The following PEMT variants were observed in gnomAD, a reference collection of about 807,000 sequenced individuals.
The protein encoded by PEMT is phosphatidylethanolamine N-methyltransferase.
In PEMT, 23 loss-of-function variants were observed where a neutral mutation model predicts 27.4. The ratio of observed to expected loss-of-function variants is 0.84; its 90% CI spans 0.60 to 1.19. PEMT has a LOEUF of 1.19. PEMT is among the 50% of genes most tolerant of loss of function. The pLI is 0.00. For synonymous variants in PEMT, 137 were observed against 139.1 expected, an observed-to-expected ratio of 0.98 and a Z score of 0.11; for missense variants, 307 against 310.1, an observed-to-expected ratio of 0.99 and a Z score of 0.07.
chr17:17,581,324 G>A (rs1455428537), intron 1 of PEMT, among the ~76,000 whole-genome samples: 1 of 152,086 alleles, frequency 6.6e-6, no homozygotes, highest in African/African-American at 2.4e-5. Flanking sequence ...CCTATCTCTG[G>A]CCATACTCTC....
chr17:17,568,241 G>A (rs1303555283), intron 2 of PEMT, among the ~76,000 whole-genome samples: 3 of 151,962 alleles, frequency 2.0e-5, no homozygotes, highest in East Asian at 1.9e-4. Context: ...AAAAGCCCAC[G>A]TGGGCCAAGT....
At chr17:17,575,918 T>G (rs921069797) in intron 2 of PEMT, among the ~76,000 whole-genome samples, 1 of 152,158 alleles carries the variant, frequency 6.6e-6, no homozygotes, top group Admixed American at 6.5e-5. Context: ...ATAAACTAAA[T>G]GAAAAACATG....
intron 2 of PEMT, among the ~76,000 whole-genome samples, chr17:17,543,337 C>T (rs903856358): frequency 1.3e-5 from 2 of 152,224 alleles, no homozygotes; most frequent in African/African-American, 4.8e-5. Context: ...GCAGAAGTCT[C>T]AACAGGCTCA....
At chr17:17,579,634 G>A (rs746215113) in intron 1 of PEMT, among the ~76,000 whole-genome samples, 5 of 152,066 alleles carry the variant, frequency 3.3e-5, no homozygotes, top group African/African-American at 7.2e-5. Flanking sequence ...GCCAAGATGC[G>A]CCACTGCACT....
chr17:17,529,050 G>A (rs1258018206), intron 2 of PEMT, among the ~76,000 whole-genome samples: 3 of 152,248 alleles, frequency 2.0e-5, no homozygotes, highest in African/African-American at 7.2e-5. Flanking sequence ...AGTGGATGGG[G>A]TGTGTTTGTG....
chr17:17,580,634 A>C (rs1448205982), intron 1 of PEMT, among the ~76,000 whole-genome samples: 2 of 152,162 alleles, frequency 1.3e-5, no homozygotes, highest in Non-Finnish European at 2.9e-5. Context: ...ATCTCCCTGC[A>C]TGTGCACAGC....
At chr17:17,583,922 C>G (rs1363711195) in intron 1 of PEMT, among the ~76,000 whole-genome samples, 2 of 152,154 alleles carry the variant, frequency 1.3e-5, no homozygotes, top group Non-Finnish European at 2.9e-5. Context: ...AAATGGCAGG[C>G]AGCTGCTCCA....
At position 17,591,705 on chromosome 17, in the gene PEMT, A is replaced by C; in HGVS notation, c.-79T>G. The C allele has an allele frequency of 6.6e-7, 1 of 1,512,516 alleles. No individual in the cohort carries two copies. Among genetic ancestry groups the C allele is most frequent in the African/African-American group, 1.4e-5 (1 of 71,276 alleles). 93.7% of individuals were successfully genotyped at this position (1,512,516 alleles called of 1,614,324 possible). The stretch of plus-strand genomic sequence containing the variant: ...CGGAACCGGACCTATAGAGCCGGGT[A>C]AGTGCCGCCAGTCGGGGCGCTTTCC... On this transcript the variant is annotated 5_prime_UTR_variant, in exon 1 of 7. Transcript: ENST00000255389.
Position 17,588,840 on chromosome 17 carries a change from G to C in PEMT, c.96+2691C>G, listed in dbSNP as rs373538132. Among the ~76,000 whole-genome samples, 12 of 152,362 alleles carry C rather than the reference G, an allele frequency of 7.9e-5. No individual in the cohort carries two copies. In the South Asian group the frequency reaches 1.2e-3, roughly 16 times the overall value. Reference sequence around the variant, plus strand: ...TGCCTTCAGGCAGCTGCCCAGCTGAGGAGCAAGGCTCCAGAATCCTGACAG... The same window carrying C: ...TGCCTTCAGGCAGCTGCCCAGCTGACGAGCAAGGCTCCAGAATCCTGACAG... On this transcript the variant is annotated intron_variant, in intron 1 of 6. Transcript: ENST00000255389.
At chr17:17,550,281 C>A (rs1909558172) in intron 2 of PEMT, among the ~76,000 whole-genome samples, 1 of 152,230 alleles carries the variant, frequency 6.6e-6, no homozygotes, top group Non-Finnish European at 1.5e-5. Flanking sequence ...TGTTCCAGGG[C>A]CTGCTGCCGC....
At chr17:17,584,544 T>A (rs1196745428) in intron 1 of PEMT, among the ~76,000 whole-genome samples, 1 of 152,094 alleles carries the variant, frequency 6.6e-6, no homozygotes, top group Non-Finnish European at 1.5e-5. Flanking sequence ...TGGGCTCAAG[T>A]GAGTCTCCCA....
At chr17:17,553,938 TCCCACCCAGAGCACACCCAGCCAGGGG>T (rs2142658692) in intron 2 of PEMT, among the ~76,000 whole-genome samples, 1 of 152,194 alleles carries the variant, frequency 6.6e-6, no homozygotes, top group African/African-American at 2.4e-5. Context: ...GTCACAGCCC[TCCCACCCAGAGCACACCCAGCCAGGGG>T]TGGGGTGGGG....
At position 17,550,763 on chromosome 17, in the gene PEMT, C is replaced by T. The variant is rs182918229; in HGVS notation, c.204+26157G>A. Among the ~76,000 whole-genome samples the T allele has an allele frequency of 2.5e-3, 381 of 152,292 alleles. 1 individual carries two copies. The highest frequency in any genetic ancestry group is 8.4e-3 in the African/African-American group (351 of 41,546). ...ACGCCGTTCCATCACAGGACACACT[C>T]GCACCCACACCTGGTCAGACTGGGA... On this transcript the variant is annotated intron_variant, in intron 2 of 6. Coordinates refer to ENST00000255389, the MANE Select transcript of PEMT (RefSeq NM_148172.3).
At chr17:17,549,043 G>T (rs372587465) in intron 2 of PEMT, among the ~76,000 whole-genome samples, 3 of 152,152 alleles carry the variant, frequency 2.0e-5, no homozygotes, top group South Asian at 2.1e-4. Context: ...TTGAGACAAG[G>T]TAACCCAGAT....
In PEMT at chr17:17,542,836, C is replaced by T. The variant is rs567766928; in HGVS notation, c.205-20441G>A. On this transcript the variant is annotated intron_variant, in intron 2 of 6. Transcript: ENST00000255389. Reference sequence around the variant, plus strand: ...GGGCCGCCCCCTCCTTTGCACCGTTCGGCCACCGTTGCAGGAGCAGGGCCC... The same window carrying T: ...GGGCCGCCCCCTCCTTTGCACCGTTTGGCCACCGTTGCAGGAGCAGGGCCC... Among the ~76,000 whole-genome samples, 10 of 152,322 alleles carry T rather than the reference C, an allele frequency of 6.6e-5. No individual in the cohort carries two copies. In the Middle Eastern group the frequency reaches 0.01, roughly 155 times the overall value.
chr17:17,557,481 T>C (rs1821447290), intron 2 of PEMT, among the ~76,000 whole-genome samples: 1 of 152,234 alleles, frequency 6.6e-6, no homozygotes, highest in Admixed American at 6.5e-5. Flanking sequence ...AAGCCCCCGC[T>C]GCCTCAGAGG....
Position 17,506,366 on chromosome 17 carries a change from G to A in PEMT, c.579-65C>T, listed in dbSNP as rs1597862597. 9.0e-6 allele frequency: 11 copies of A among 1,228,852 alleles called. No homozygotes were observed. The East Asian group carries it at 2.8e-4, about 31-fold the overall frequency. The allele number at this position is 1,228,852 out of a possible 1,614,324, so 76.1% of individuals were successfully genotyped here. A position where few individuals can be genotyped will look rare whatever the true frequency, so the allele number is the denominator to read the frequency against. ...GGTCTCTCAGGGCCACGGCCCACCT[G>A]CCCAGGCTGGCCCTTCCTGCCGTGA... On this transcript the variant is annotated intron_variant, in intron 5 of 6. Transcript: ENST00000255389.
chr17:17,531,452 G>A (rs1224147596), intron 2 of PEMT, among the ~76,000 whole-genome samples: 1 of 151,306 alleles, frequency 6.6e-6, no homozygotes, highest in African/African-American at 2.4e-5. Flanking sequence ...ACAAATAGAT[G>A]GATATGAAAA....
intron 2 of PEMT, among the ~76,000 whole-genome samples, chr17:17,565,833 G>C (rs914286147): frequency 6.6e-6 from 1 of 152,270 alleles, no homozygotes; most frequent in African/African-American, 2.4e-5. Flanking sequence ...CTGGGGCTAA[G>C]TGAAAGTGCT....
Sources: gnomAD v4.1 joint callset for allele counts (sites outside exome capture counted in the v4.1 genomes callset) on GRCh38, gnomAD v4.1.1 for gene constraint, MANE v1.5 for transcripts, NCBI Gene and HGNC (gene_info 2026-07-23, HGNC 2026-07-21) for gene names.